The following CRIM1 variants were observed in gnomAD, a reference collection of about 807,000 sequenced individuals.
The protein encoded by CRIM1 is cysteine rich transmembrane BMP regulator 1.
CRIM1 carries 32 observed loss-of-function variants against 116.4 expected under a neutral mutation model. That is an observed-to-expected ratio of 0.27 (90% CI 0.21 to 0.37). The LOEUF (loss-of-function observed/expected upper bound fraction) is 0.37. Among genes scored for constraint, CRIM1 ranks in the 10% least tolerant of loss-of-function variants. The probability of loss-of-function intolerance (pLI) is 1.00; values close to 1 mark genes in which losing one functional copy is unlikely to be tolerated. For synonymous variants in CRIM1, 590 were observed against 509.2 expected (o/e 1.16, Z -2.13); for missense variants, 1,331 against 1,354.8 (o/e 0.98, Z 0.28).
intron 3 of CRIM1, among the ~76,000 whole-genome samples, chr2:36,441,930 C>A (rs573252039): frequency 2.0e-5 from 3 of 152,290 alleles, no homozygotes; most frequent in Admixed American, 1.3e-4. Flanking sequence ...TGAATACATG[C>A]ATCAAAACGC....
intron 4 of CRIM1, among the ~76,000 whole-genome samples, chr2:36,460,436 A>G (rs1330952318): frequency 6.6e-6 from 1 of 152,208 alleles, no homozygotes; most frequent in African/African-American, 2.4e-5. Flanking sequence ...TGAGATGATG[A>G]AAATGTTCTG....
intron 13 of CRIM1, 114 bp downstream of exon 13, chr2:36,522,427 C>T: frequency 3.9e-6 from 3 of 768,162 alleles, no homozygotes; most frequent in Non-Finnish European, 6.7e-6. Flanking sequence ...CCCTGCTTGA[C>T]ATGTCACACA....
chr2:36,544,233 G>C lies in CRIM1; in HGVS notation c.2624-143G>C, dbSNP rs1452940702. ...CTCGTGATTCTCTAGCATGAGTGAT[G>C]AATGATGTAAATGGCAGAAACTGCA... On this transcript the variant is annotated intron_variant, in intron 14 of 16. Transcript: ENST00000280527. The C allele has an allele frequency of 8.3e-6, 5 of 601,622 alleles. No individual in the cohort carries two copies. The East Asian group carries it at 1.7e-4, about 20-fold the overall frequency. 37.3% of individuals were successfully genotyped at this position (601,622 alleles called of 1,614,324 possible). A position where few individuals can be genotyped will look rare whatever the true frequency, so the allele number is the denominator to read the frequency against.
At chr2:36,370,995 A>G (rs1304415476) in intron 1 of CRIM1, among the ~76,000 whole-genome samples, 1 of 152,168 alleles carries the variant, frequency 6.6e-6, no homozygotes, top group Non-Finnish European at 1.5e-5. Context: ...TTTCCAGTGT[A>G]TCTTGGACAA....
intron 8 of CRIM1, among the ~76,000 whole-genome samples, chr2:36,506,721 C>T (rs1019536592): frequency 3.9e-5 from 6 of 152,116 alleles, no homozygotes; most frequent in Non-Finnish European, 5.9e-5. Flanking sequence ...AAAGTCATGA[C>T]GCTGAAAAAT....
chr2:36,397,402 T>G (rs1672104474), intron 2 of CRIM1, among the ~76,000 whole-genome samples: 1 of 152,110 alleles, frequency 6.6e-6, no homozygotes, highest in Non-Finnish European at 1.5e-5. Flanking sequence ...AAATTGAATA[T>G]ATGACTCATC....
intron 1 of CRIM1, among the ~76,000 whole-genome samples, chr2:36,383,974 T>G (rs1412829736): frequency 6.6e-6 from 1 of 152,200 alleles, no homozygotes; most frequent in Non-Finnish European, 1.5e-5. Flanking sequence ...ACAAAAATTC[T>G]TACCAACTGG....
chr2:36,357,191 G>A (rs1158415519), intron 1 of CRIM1, among the ~76,000 whole-genome samples: 8 of 152,154 alleles, frequency 5.3e-5, no homozygotes, highest in Admixed American at 5.2e-4. Context: ...ATCAGTTTCA[G>A]CCGCGGAATA....
intron 4 of CRIM1, among the ~76,000 whole-genome samples, chr2:36,450,081 T>G (rs186092243): frequency 6.6e-6 from 1 of 152,292 alleles, no homozygotes; most frequent in Admixed American, 6.5e-5. Context: ...AGTCCCTACG[T>G]AGCAGAAGCA....
chr2:36,383,528 A>G (rs1670944446), intron 1 of CRIM1, among the ~76,000 whole-genome samples: 1 of 152,190 alleles, frequency 6.6e-6, no homozygotes, highest in South Asian at 2.1e-4. Flanking sequence ...AATACTAGTT[A>G]TGTCGTAGAG....
intron 2 of CRIM1, among the ~76,000 whole-genome samples, chr2:36,422,161 G>C (rs993207902): frequency 2.0e-5 from 3 of 150,566 alleles, no homozygotes; most frequent in African/African-American, 7.3e-5. Context: ...CAATTTTATT[G>C]ATGTGAATTT....
chr2:36,514,601 CT>C (rs1453182808), intron 11 of CRIM1, among the ~76,000 whole-genome samples: 1 of 152,168 alleles, frequency 6.6e-6, no homozygotes, highest in Non-Finnish European at 1.5e-5. Context: ...TCTCTCAAAT[CT>C]TGTATCAGAT....
chr2:36,376,140 CA>C (rs1670301700), intron 1 of CRIM1, among the ~76,000 whole-genome samples: 1 of 152,162 alleles, frequency 6.6e-6, no homozygotes, highest in Non-Finnish European at 1.5e-5. Flanking sequence ...CTGTTGGAAC[CA>C]ATTTATAAAA....
chr2:36,441,990 TC>T (rs1675867210), intron 3 of CRIM1, among the ~76,000 whole-genome samples: 1 of 152,284 alleles, frequency 6.6e-6, no homozygotes, highest in African/African-American at 2.4e-5. Context: ...CTTTGCCAAT[TC>T]CCCCGCATCT....
At position 36,479,572 on chromosome 2, in the gene CRIM1, G is replaced by C. The variant is rs767565422; in HGVS notation, c.1250G>C (p.Arg417Pro). ...ATCCTTGCCCACGGAGACCGGTGGC[G>C]GGAAGACGACTGCACATTCTGCCAG... ...GLILAHGDRW[R>P]EDDCTFCQCV... The change falls in exon 7 of 17, where the codon CGG becomes CCG. Residue 417 changes from arginine (R) to proline (P), a missense_variant. Coordinates refer to ENST00000280527, the MANE Select transcript of CRIM1 (RefSeq NM_016441.3). 2 of 1,614,060 alleles carry C rather than the reference G, an allele frequency of 1.2e-6. No individual in the cohort carries two copies. Among genetic ancestry groups the C allele is most frequent in the African/African-American group, 1.3e-5 (1 of 74,922 alleles).
At chr2:36,387,937 T>A (rs1671292196) in intron 1 of CRIM1, among the ~76,000 whole-genome samples, 1 of 152,170 alleles carries the variant, frequency 6.6e-6, no homozygotes, top group Non-Finnish European at 1.5e-5. Flanking sequence ...TTTTTTCAAG[T>A]TGGATGCTTA....
chr2:36,442,775 G>A (rs1188288127), intron 4 of CRIM1, 40 bp downstream of exon 4: 26 of 1,612,826 alleles, frequency 1.6e-5, no homozygotes, highest in South Asian at 2.2e-5. Context: ...CTCCTCATTT[G>A]TTAGCATCAT....
At chr2:36,413,372 T>G (rs1481029331) in intron 2 of CRIM1, among the ~76,000 whole-genome samples, 1 of 152,214 alleles carries the variant, frequency 6.6e-6, no homozygotes, top group Non-Finnish European at 1.5e-5. Context: ...CATCTGGGTT[T>G]GTTTCTTTAT....
Position 36,356,651 on chromosome 2 carries a change from C to G in CRIM1, c.331+28C>G. The stretch of plus-strand genomic sequence containing the variant: ...ACGGCCGCCCGCTGCGGGCCCCCTC[C>G]CACCTGGCCTGCGCCGCCCCCTCGG... On this transcript the variant is annotated intron_variant, in intron 1 of 16. Transcript: ENST00000280527. The surrounding 1 kb of genome is among the most constrained non-coding windows in gnomAD (Gnocchi z 4.3). 6.3e-7 allele frequency: 1 copy of G among 1,588,244 alleles called. No homozygotes were observed. Among genetic ancestry groups the G allele is most frequent in the Non-Finnish European group, 8.6e-7 (1 of 1,169,302 alleles).
Sources: allele counts gnomAD v4.1 joint callset (sites outside exome capture counted in the v4.1 genomes callset), GRCh38; gene constraint gnomAD v4.1.1; non-coding constraint Gnocchi (gnomAD v3.1); transcripts MANE v1.5; gene names NCBI Gene and HGNC (gene_info 2026-07-23, HGNC 2026-07-21).